Variants in NFAT5 observed in about 807,000 individuals in gnomAD.
NFAT5 encodes nuclear factor of activated T-cells 5.
NFAT5 carries 31 observed loss-of-function variants against 166.5 expected under a neutral mutation model. That is an observed-to-expected ratio of 0.19 (90% CI 0.14 to 0.25). NFAT5 has a LOEUF of 0.25. Among genes scored for constraint, NFAT5 ranks in the 10% least tolerant of loss-of-function variants. NFAT5 has a pLI of 1.00. For missense variants in NFAT5, 1,449 were observed against 1,821.8 expected, an observed-to-expected ratio of 0.80 and a Z score of 3.72; for synonymous variants, 612 against 639.7, an observed-to-expected ratio of 0.96 and a Z score of 0.65.
intron 3 of NFAT5, among the ~76,000 whole-genome samples, chr16:69,643,211 C>A (rs767232905): frequency 7.1e-6 from 1 of 141,070 alleles, no homozygotes; most frequent in Non-Finnish European, 1.5e-5. Context: ...GAGCGAGAGT[C>A]CCTCTCAAAA....
chr16:69,606,391 A>G (rs986822067), intron 2 of NFAT5, among the ~76,000 whole-genome samples: 1 of 152,220 alleles, frequency 6.6e-6, no homozygotes, highest in Non-Finnish European at 1.5e-5. Context: ...TTGTGGATTT[A>G]GTATTGCTGG....
chr16:69,570,156 T>C (rs927663224), intron 2 of NFAT5, among the ~76,000 whole-genome samples: 1 of 152,212 alleles, frequency 6.6e-6, no homozygotes, highest in African/African-American at 2.4e-5. Flanking sequence ...CTAAATACTT[T>C]CGTTAATTTT....
chr16:69,678,995 G>A (rs908497414), intron 10 of NFAT5, among the ~76,000 whole-genome samples: 6 of 151,962 alleles, frequency 3.9e-5, no homozygotes, highest in Admixed American at 2.6e-4. Context: ...GTGCAGTAGC[G>A]TGATCCTGGG....
At chr16:69,687,301 C>T (rs1055538257) in intron 11 of NFAT5, among the ~76,000 whole-genome samples, 1 of 151,866 alleles carries the variant, frequency 6.6e-6, no homozygotes, top group Non-Finnish European at 1.5e-5. Context: ...ATTAGCTGGG[C>T]GTGGTGGTGT....
chr16:69,600,009 AAG>A (rs1407351466), intron 2 of NFAT5, among the ~76,000 whole-genome samples: 5 of 152,170 alleles, frequency 3.3e-5, no homozygotes, highest in Non-Finnish European at 7.3e-5. Flanking sequence ...GTAAGAGTAA[AAG>A]AGAAAATCAA....
chr16:69,641,185 G>A (rs2035192622), intron 3 of NFAT5, among the ~76,000 whole-genome samples: 1 of 149,310 alleles, frequency 6.7e-6, no homozygotes, highest in Non-Finnish European at 1.5e-5. Flanking sequence ...GGCTGAGGCA[G>A]GAGAATCGCT....
At chr16:69,686,722 G>A (rs2037321082) in intron 11 of NFAT5, among the ~76,000 whole-genome samples, 1 of 151,972 alleles carries the variant, frequency 6.6e-6, no homozygotes. Flanking sequence ...AATTTAGCTG[G>A]GCATGGTGGT....
At chr16:69,659,623 A>G in intron 6 of NFAT5, 104 bp from the exon 7 acceptor site, 1 of 882,642 alleles carries the variant, frequency 1.1e-6, no homozygotes, top group Middle Eastern at 2.9e-4. Flanking sequence ...ACATATTCAC[A>G]GAATTAATAG....
At chr16:69,577,992 A>G (rs1015741617) in intron 2 of NFAT5, among the ~76,000 whole-genome samples, 13 of 66,276 alleles carry the variant, frequency 2.0e-4, no homozygotes, top group Non-Finnish European at 1.8e-4. Context: ...CCCTGTGTCA[A>G]AAAAAAAATT....
At chr16:69,663,167 A>G (rs903591708) in intron 7 of NFAT5, among the ~76,000 whole-genome samples, 1 of 152,156 alleles carries the variant, frequency 6.6e-6, no homozygotes, top group African/African-American at 2.4e-5. Flanking sequence ...GAGAAGAGGA[A>G]ACAGATACTT....
At chr16:69,585,698 A>G (rs1367367012) in intron 2 of NFAT5, among the ~76,000 whole-genome samples, 5 of 152,236 alleles carry the variant, frequency 3.3e-5, no homozygotes, top group African/African-American at 4.8e-5. Context: ...GACCCTTGAA[A>G]ACATACGCAA....
Position 69,699,808 on chromosome 16 carries a change from ATC to A in NFAT5, c.*3461_*3462del, listed in dbSNP as rs1362413085. On this transcript the variant is annotated 3_prime_UTR_variant, in exon 15 of 15. Transcript: ENST00000349945. ...CAACTCACATTAATGCTTGGAGCTT[ATC>A]TCTTTCTCTCTCTCTCTCTCTCTCT... 2.0e-5 allele frequency: 3 copies of A among 149,746 alleles called. No individual in the cohort carries two copies. Among genetic ancestry groups the A allele is most frequent in the Non-Finnish European group, 4.5e-5 (3 of 67,320 alleles). 9.3% of individuals were successfully genotyped at this position (149,746 alleles called of 1,614,324 possible). A position where few individuals can be genotyped will look rare whatever the true frequency, so the allele number is the denominator to read the frequency against.
chr16:69,646,940 A>G (rs916121682), intron 3 of NFAT5, 88 bp from the exon 4 acceptor site: 2 of 1,095,316 alleles, frequency 1.8e-6, no homozygotes, highest in African/African-American at 3.1e-5. Flanking sequence ...AAAAACAATC[A>G]GTTCACAAAT....
intron 3 of NFAT5, among the ~76,000 whole-genome samples, chr16:69,637,087 C>T (rs890011890): frequency 2.6e-5 from 4 of 152,166 alleles, no homozygotes; most frequent in African/African-American, 9.7e-5. Flanking sequence ...CCTAAATCAT[C>T]CCTCTCAAGT....
chr16:69,641,346 AGTC>A (rs1456607884), intron 3 of NFAT5, among the ~76,000 whole-genome samples: 1 of 150,812 alleles, frequency 6.6e-6, no homozygotes, highest in East Asian at 1.9e-4. Context: ...ATTTTTGAAT[AGTC>A]AATAATTTAT....
At chr16:69,608,404 C>T (rs752977895) in intron 2 of NFAT5, among the ~76,000 whole-genome samples, 22 of 151,912 alleles carry the variant, frequency 1.4e-4, no homozygotes, top group Non-Finnish European at 2.6e-4. Context: ...TTGAGAACCC[C>T]GGCCATCTGG....
At chr16:69,613,662 T>C (rs2033807227) in intron 2 of NFAT5, among the ~76,000 whole-genome samples, 1 of 152,238 alleles carries the variant, frequency 6.6e-6, no homozygotes, top group Non-Finnish European at 1.5e-5. Context: ...TGGTGTTACA[T>C]CCTCTGTGCT....
At chr16:69,638,435 A>T (rs192715743) in intron 3 of NFAT5, among the ~76,000 whole-genome samples, 12 of 150,798 alleles carry the variant, frequency 8.0e-5, no homozygotes, top group East Asian at 4.0e-4. Context: ...ATCATATCTT[A>T]AAAAAAACAA....
chr16:69,692,528 G>GCAGCAA lies in NFAT5; in HGVS notation c.2708_2709insACAGCA (p.Gln905_Gln906dup). 6.2e-7 allele frequency: 1 copy of GCAGCAA among 1,614,114 alleles called. No individual in the cohort carries two copies. Among genetic ancestry groups the GCAGCAA allele is most frequent in the Non-Finnish European group, 8.5e-7 (1 of 1,180,018 alleles). ...CGTTATCTAATCAACAGCAGCAGCA[G>GCAGCAA]CAGCAGCAACAGCAAGTGATGGAAT... On this transcript the variant is annotated inframe_insertion, in exon 13 of 15. Transcript: ENST00000349945.
Sources: allele counts gnomAD v4.1 joint callset (sites outside exome capture counted in the v4.1 genomes callset), GRCh38; gene constraint gnomAD v4.1.1; transcripts MANE v1.5; gene names NCBI Gene and HGNC (gene_info 2026-07-23, HGNC 2026-07-21).